RBM8A: variants seen among roughly 807,000 people sequenced by gnomAD.
RBM8A encodes RNA-binding protein 8A.
Under a neutral mutation model 25.1 loss-of-function variants are expected in RBM8A, and 8 were observed. The ratio of observed to expected loss-of-function variants is 0.32; its 90% CI spans 0.19 to 0.58. RBM8A has a LOEUF of 0.58. RBM8A is among the 20% of genes least tolerant of loss of function. The probability of loss-of-function intolerance (pLI) is 0.88; values close to 1 mark genes in which losing one functional copy is unlikely to be tolerated. For missense variants in RBM8A, 114 were observed against 236.8 expected (o/e 0.48, Z 3.40); for synonymous variants, 66 against 80.0 (o/e 0.82, Z 0.94).
rs1202537238 is a variant in RBM8A, at chr1:145,926,286, T to C, written c.343-109A>G. On this transcript the variant is annotated intron_variant, in intron 4 of 5. Transcript: ENST00000583313. ...AGAAAAATCTACACACTTTAAACAA[T>C]GAATGTACATCATATATCTCTACTG... is the stretch of plus-strand genomic sequence containing the variant. 2.7e-6 allele frequency: 4 copies of C among 1,488,382 alleles called. No homozygotes were observed. The African/African-American group carries it at 5.6e-5, about 21-fold the overall frequency. 92.2% of individuals were successfully genotyped at this position (1,488,382 alleles called of 1,614,324 possible). A position where few individuals can be genotyped will look rare whatever the true frequency, so the allele number is the denominator to read the frequency against.
rs1210498020 is a variant in RBM8A, at chr1:145,922,518, A to C, written c.*3364T>G. The C allele has an allele frequency of 6.6e-6, 1 of 152,262 alleles. No homozygotes were observed. Among genetic ancestry groups the C allele is most frequent in the Admixed American group, 6.5e-5 (1 of 15,284 alleles). The allele number at this position is 152,262 out of a possible 1,614,324, so 9.4% of individuals were successfully genotyped here. ...GATGATGCAATGGGAAATGAATTTC[A>C]TCCTTTCTTACAGCCTGACAATCTG... On this transcript the variant is annotated 3_prime_UTR_variant, in exon 6 of 6. Transcript: ENST00000583313.
chr1:145,924,231 C>T lies in RBM8A; in HGVS notation c.*1651G>A, dbSNP rs1319395656. On this transcript the variant is annotated 3_prime_UTR_variant, in exon 6 of 6. Coordinates refer to ENST00000583313, the MANE Select transcript of RBM8A (RefSeq NM_005105.5). ...TGTGTCACCAAAGGCAGCTTCAAGG[C>T]TCAATGGCAAGAGACCACCTATAAC... 3.1e-6 allele frequency: 2 copies of T among 651,808 alleles called. No individual in the cohort carries two copies. Among genetic ancestry groups the T allele is most frequent in the African/African-American group, 1.8e-5 (1 of 55,942 alleles). The allele number at this position is 651,808 out of a possible 1,614,324, so 40.4% of individuals were successfully genotyped here.
rs782641537 is a variant in RBM8A at position 145,926,837 on chromosome 1, C to G, written c.177G>C (p.Gln59His). ...GTTGTGGTCCGGGTTCATCGCCATCCTGCTCCACGCTGTCATAATCCTCAC... is the reference window on the plus strand; with the variant it reads ...GTTGTGGTCCGGGTTCATCGCCATCGTGCTCCACGCTGTCATAATCCTCAC... ...RMREDYDSVE[Q>H]DGDEPGPQRS... Residue 59 changes from glutamine to histidine, a missense_variant, in exon 3 of 6, where the codon CAG becomes CAC. Physicochemically the swap from Gln to His is conservative, Grantham distance 24. This residue lies in a region of RBM8A where 102 missense variants were observed against 182.7 expected (regional missense o/e 0.56). Transcript: ENST00000583313. 1 of 1,614,166 alleles carries G rather than the reference C, an allele frequency of 6.2e-7. No individual in the cohort carries two copies. Among genetic ancestry groups the G allele is most frequent in the Non-Finnish European group, 8.5e-7 (1 of 1,180,020 alleles).
At position 145,922,085 on chromosome 1, in the gene RBM8A, A is replaced by T. The variant is rs1249421800; in HGVS notation, c.*3797T>A. The T allele has an allele frequency of 6.6e-6, 1 of 152,098 alleles. No homozygotes were observed. The highest frequency in any genetic ancestry group is 2.4e-5 in the African/African-American group (1 of 41,392). 9.4% of individuals were successfully genotyped at this position (152,098 alleles called of 1,614,324 possible). On this transcript the variant is annotated 3_prime_UTR_variant, in exon 6 of 6. Transcript: ENST00000583313. ...CTAAAAATACAAAAATTAGCCGGGT[A>T]TAGTGGTGAGCACCTGTAATCCCAA... is the stretch of plus-strand genomic sequence containing the variant.
intron 1 of RBM8A, 88 bp downstream of exon 1, chr1:145,927,265 CATCCTTA>C: frequency 6.7e-7 from 1 of 1,494,908 alleles, no homozygotes; most frequent in Non-Finnish European, 9.1e-7. Flanking sequence ...CCTCGATTCC[CATCCTTA>C]CGACCGAGGA....
At chr1:145,926,431 C>G (rs375355265) in intron 4 of RBM8A, 51 bp downstream of exon 4, 27 of 1,592,292 alleles carry the variant, frequency 1.7e-5, no homozygotes, top group Middle Eastern at 1.7e-4. Flanking sequence ...ACTACGAATG[C>G]TACCTAAGGC....
Position 145,924,262 on chromosome 1 carries a change from C to T in RBM8A, c.*1620G>A. On this transcript the variant is annotated 3_prime_UTR_variant, in exon 6 of 6. Coordinates refer to ENST00000583313, the MANE Select transcript of RBM8A (RefSeq NM_005105.5). ...GGCAAGAGACCACCTATAACCTCTT[C>T]ACCTTCTGCTGCCTCTTTCTGCTGC... 1 of 598,280 alleles carries T rather than the reference C, an allele frequency of 1.7e-6. No homozygotes were observed. Among genetic ancestry groups the T allele is most frequent in the Non-Finnish European group, 3.2e-6 (1 of 309,550 alleles). 37.1% of individuals were successfully genotyped at this position (598,280 alleles called of 1,614,324 possible).
At position 145,923,809 on chromosome 1, in the gene RBM8A, A is replaced by G; in HGVS notation, c.*2073T>C. 1 of 537,738 alleles carries G rather than the reference A, an allele frequency of 1.9e-6. No homozygotes were observed. Among genetic ancestry groups the G allele is most frequent in the Non-Finnish European group, 3.3e-6 (1 of 303,760 alleles). The allele number at this position is 537,738 out of a possible 1,614,324, so 33.3% of individuals were successfully genotyped here. On this transcript the variant is annotated 3_prime_UTR_variant, in exon 6 of 6. Coordinates refer to ENST00000583313, the MANE Select transcript of RBM8A (RefSeq NM_005105.5). ...ACAATATTTCTTTTTCCACAAAATA[A>G]CAGACATACCAGGAAAATCATTTCA...
Position 145,925,745 on chromosome 1 carries a change from T to C in RBM8A, c.*137A>G. On this transcript the variant is annotated 3_prime_UTR_variant, in exon 6 of 6. Coordinates refer to ENST00000583313, the MANE Select transcript of RBM8A (RefSeq NM_005105.5). ...ATGTAGAAAACAAAAATGGAACATT[T>C]ATTCGCAACTCAAATACTACGCATA... 1 of 989,044 alleles carries C rather than the reference T, an allele frequency of 1.0e-6. No individual in the cohort carries two copies. Among genetic ancestry groups the C allele is most frequent in the Non-Finnish European group, 1.5e-6 (1 of 663,692 alleles). The allele number at this position is 989,044 out of a possible 1,614,324, so 61.3% of individuals were successfully genotyped here.
In RBM8A at chr1:145,925,722, G is replaced by A; in HGVS notation, c.*160C>T. ...TTAGGACAGGAAAGTAACATTAAATGTAGAAAACAAAAATGGAACATTTAT... is the reference window on the plus strand; with the variant it reads ...TTAGGACAGGAAAGTAACATTAAATATAGAAAACAAAAATGGAACATTTAT... On this transcript the variant is annotated 3_prime_UTR_variant, in exon 6 of 6. Coordinates refer to ENST00000583313, the MANE Select transcript of RBM8A (RefSeq NM_005105.5). The A allele has an allele frequency of 2.6e-6, 2 of 762,700 alleles. No individual in the cohort carries two copies. Among genetic ancestry groups the A allele is most frequent in the Non-Finnish European group, 4.2e-6 (2 of 473,596 alleles). 47.2% of individuals were successfully genotyped at this position (762,700 alleles called of 1,614,324 possible).
chr1:145,925,975 C>T (rs374140286), intron 5 of RBM8A, 48 bp from the exon 6 acceptor site: 4 of 1,613,780 alleles, frequency 2.5e-6, no homozygotes, highest in Non-Finnish European at 3.4e-6. Flanking sequence ...GGACATAATA[C>T]TAAGTCCTCA....
chr1:145,924,733 A>G lies in RBM8A; in HGVS notation c.*1149T>C, dbSNP rs144112786. 56 of 387,224 alleles carry G rather than the reference A, an allele frequency of 1.4e-4. No individual in the cohort carries two copies. The highest frequency in any genetic ancestry group is 1.1e-3 in the African/African-American group (50 of 46,000). 24.0% of individuals were successfully genotyped at this position (387,224 alleles called of 1,614,324 possible). ...TGTAGGAGGCGAGCTCTGTCTCACT[A>G]GCTATGCCCCTCCATCAATTCACCC... On this transcript the variant is annotated 3_prime_UTR_variant, in exon 6 of 6. Coordinates refer to ENST00000583313, the MANE Select transcript of RBM8A (RefSeq NM_005105.5).
In RBM8A at chr1:145,922,452, A is replaced by G. The variant is rs782357004; in HGVS notation, c.*3430T>C. The G allele has an allele frequency of 6.6e-6, 1 of 152,186 alleles. No individual in the cohort carries two copies. The highest frequency in any genetic ancestry group is 2.4e-5 in the African/African-American group (1 of 41,442). 9.4% of individuals were successfully genotyped at this position (152,186 alleles called of 1,614,324 possible). A position where few individuals can be genotyped will look rare whatever the true frequency, so the allele number is the denominator to read the frequency against. The stretch of plus-strand genomic sequence containing the variant: ...GTCTCGGCTCTACTGCTAACTAGCT[A>G]TATGATTTTGGCTAAGGCACTTGAA... On this transcript the variant is annotated 3_prime_UTR_variant, in exon 6 of 6. Transcript: ENST00000583313.
At position 145,925,868 on chromosome 1, in the gene RBM8A, C is replaced by G. The variant is rs374779697; in HGVS notation, c.*14G>C. The G allele has an allele frequency of 9.2e-5, 149 of 1,611,064 alleles. 1 individual carries two copies. The highest frequency in any genetic ancestry group is 1.2e-4 in the Non-Finnish European group (138 of 1,178,158). ...TGGAATCTTGAAGAGAACACCTGGA[C>G]AACAGAGGACCTGTCAGCGACGTCT... On this transcript the variant is annotated 3_prime_UTR_variant, in exon 6 of 6. Coordinates refer to ENST00000583313, the MANE Select transcript of RBM8A (RefSeq NM_005105.5).
intron 3 of RBM8A, 68 bp downstream of exon 3, chr1:145,926,741 T>TCA: frequency 1.9e-6 from 3 of 1,613,926 alleles, no homozygotes; most frequent in Non-Finnish European, 2.5e-6. Context: ...CTACTGCGTT[T>TCA]AACTATTTTA....
At position 145,923,046 on chromosome 1, in the gene RBM8A, C is replaced by T. The variant is rs587659073; in HGVS notation, c.*2836G>A. ...AGGTCATTCTCCTGCCTCAGCCTCC[C>T]GAGTTCCCAAGTAGCTGGGACTACA... is the stretch of plus-strand genomic sequence containing the variant. On this transcript the variant is annotated 3_prime_UTR_variant, in exon 6 of 6. Coordinates refer to ENST00000583313, the MANE Select transcript of RBM8A (RefSeq NM_005105.5). The T allele has an allele frequency of 3.7e-4, 57 of 152,100 alleles. No individual in the cohort carries two copies. The highest frequency in any genetic ancestry group is 1.3e-3 in the African/African-American group (56 of 41,488). 9.4% of individuals were successfully genotyped at this position (152,100 alleles called of 1,614,324 possible).
In RBM8A at chr1:145,926,796, C is replaced by G. The variant is rs369970179; in HGVS notation, c.205+13G>C. On this transcript the variant is annotated intron_variant, in intron 3 of 5. Transcript: ENST00000583313. ...ACAGACACGGATACCTCACAGGTTC[C>G]ATTATTACTCACAGCGTTGTGGTCC... The G allele has an allele frequency of 6.2e-7, 1 of 1,614,134 alleles. No individual in the cohort carries two copies. Among genetic ancestry groups the G allele is most frequent in the Non-Finnish European group, 8.5e-7 (1 of 1,180,002 alleles).
chr1:145,926,366 T>C (rs1238716565), intron 4 of RBM8A, 116 bp downstream of exon 4: 33 of 1,497,368 alleles, frequency 2.2e-5, no homozygotes, highest in Non-Finnish European at 2.8e-5. Flanking sequence ...AAAACATAGA[T>C]TTCCAATGTC....
chr1:145,927,096 AAAG>A lies in RBM8A; in HGVS notation c.68-22_68-20del, dbSNP rs782188704. 5 of 1,610,276 alleles carry A rather than the reference AAAG, an allele frequency of 3.1e-6. No individual in the cohort carries two copies. The highest frequency in any genetic ancestry group is 2.5e-6 in the Non-Finnish European group (3 of 1,176,714). The stretch of plus-strand genomic sequence containing the variant: ...ATGCTCTCTGGAACCCCAGAAGATA[AAAG>A]AATAAGTAACTATGACAGTCATTTG... On this transcript the variant is annotated intron_variant, in intron 1 of 5. Coordinates refer to ENST00000583313, the MANE Select transcript of RBM8A (RefSeq NM_005105.5).
Sources: allele counts gnomAD v4.1 joint callset, GRCh38; gene constraint gnomAD v4.1.1; regional missense constraint gnomAD v4.1.1; transcripts MANE v1.5; gene names NCBI Gene and HGNC (gene_info 2026-07-23, HGNC 2026-07-21).